The following FRAS1 variants were observed in gnomAD, a reference collection of about 807,000 sequenced individuals.
The protein encoded by FRAS1 is extracellular matrix organizing protein FRAS1.
FRAS1 carries 290 observed loss-of-function variants against 435.2 expected under a neutral mutation model. The ratio of observed to expected loss-of-function variants is 0.67; its 90% confidence interval spans 0.61 to 0.73. The LOEUF is 0.73. Ranked by LOEUF, FRAS1 falls within the 30% of genes least tolerant of loss-of-function variation. The probability of loss-of-function intolerance (pLI) is 0.00; values close to 1 mark genes in which losing one functional copy is unlikely to be tolerated. For synonymous variants in FRAS1, 1,800 were observed against 1,851.0 expected (o/e 0.97, Z 0.71); for missense variants, 4,860 against 5,001.5 (o/e 0.97, Z 0.85).
At position 78,333,252 on chromosome 4, in the gene FRAS1, T is replaced by C; in HGVS notation, c.2138-20T>C. On this transcript the variant is annotated intron_variant, in intron 18 of 73. Transcript: ENST00000512123. ...CGTGGGGCTTTCCTGATTGTCTCCT[T>C]TGCTTTATCTTTCCCCCAGCTTGCC... 1 of 1,595,660 alleles carries C rather than the reference T, an allele frequency of 6.3e-7. No individual in the cohort carries two copies. The highest frequency in any genetic ancestry group is 8.5e-7 in the Non-Finnish European group (1 of 1,171,852).
In FRAS1 at chr4:78,387,482, G is replaced by A. The variant is rs773122571; in HGVS notation, c.3756G>A (p.Val1252=). ...GAGATGATGACAACCCACAGGATGT[G>A]GTCATTGAAATAATCGATCCTCCAC... ...DIRDDDNPQD[V]VIEIIDPPLH... is the part of the protein sequence containing the mutation. Residue 1252 remains valine (V), a synonymous_variant, in exon 29 of 74, where the codon GTG becomes GTA. Coordinates refer to ENST00000512123, the MANE Select transcript of FRAS1 (RefSeq NM_025074.7). 1 of 1,613,436 alleles carries A rather than the reference G, an allele frequency of 6.2e-7. No homozygotes were observed. Among genetic ancestry groups the A allele is most frequent in the South Asian group, 1.1e-5 (1 of 91,020 alleles).
At chr4:78,429,380 G>A (rs1462736354) in intron 36 of FRAS1, among the ~76,000 whole-genome samples, 154 bp downstream of exon 36, 1 of 152,064 alleles carries the variant, frequency 6.6e-6, no homozygotes, top group Non-Finnish European at 1.5e-5. Context: ...CCATTTCTAT[G>A]CAAACAGAAG....
intron 2 of FRAS1, among the ~76,000 whole-genome samples, chr4:78,094,867 C>A (rs1410215072): frequency 6.6e-6 from 1 of 152,098 alleles, no homozygotes; most frequent in Non-Finnish European, 1.5e-5. Flanking sequence ...GCCTTGATTT[C>A]CTCATCTGTA....
rs1464332410 is a variant in FRAS1 at position 78,267,300 on chromosome 4, G to C, written c.849G>C (p.Gly283=). Residue 283 remains glycine, a synonymous_variant, in exon 9 of 74, where the codon GGG becomes GGC. Transcript: ENST00000512123. ...QCCEECVSPA[G]SCSYDGVVRY... Reference sequence around the variant, plus strand: ...GTGAGGAATGTGTGTCTCCTGCCGGGAGCTGCTCCTATGATGGAGTTGTGC... The same window carrying C: ...GTGAGGAATGTGTGTCTCCTGCCGGCAGCTGCTCCTATGATGGAGTTGTGC... 3.1e-6 allele frequency: 5 copies of C among 1,613,876 alleles called. No individual in the cohort carries two copies. Among genetic ancestry groups the C allele is most frequent in the Middle Eastern group, 1.6e-4 (1 of 6,062 alleles).
chr4:78,506,075 A>C (rs1305012098), intron 61 of FRAS1, among the ~76,000 whole-genome samples: 1 of 152,234 alleles, frequency 6.6e-6, no homozygotes, highest in Non-Finnish European at 1.5e-5. Context: ...GTAGAACAGC[A>C]AATATTGCAG....
At chr4:78,449,043 T>G (rs779812640) in intron 44 of FRAS1, among the ~76,000 whole-genome samples, 2 of 152,226 alleles carry the variant, frequency 1.3e-5, no homozygotes, top group Non-Finnish European at 2.9e-5. Context: ...GTCTTAAATA[T>G]CAAGTCTGAG....
At chr4:78,431,733 AT>A (rs1027153820) in intron 37 of FRAS1, among the ~76,000 whole-genome samples, 5 of 152,288 alleles carry the variant, frequency 3.3e-5, no homozygotes, top group East Asian at 1.9e-4. Flanking sequence ...AGTATAAAAA[AT>A]ATCTTAAATT....
chr4:78,389,619 T>G (rs1036853580), intron 29 of FRAS1, among the ~76,000 whole-genome samples: 1 of 152,200 alleles, frequency 6.6e-6, no homozygotes, highest in African/African-American at 2.4e-5. Flanking sequence ...TCTGGACAGA[T>G]GAAGTCTAGA....
At chr4:78,389,992 C>G (rs1203659024) in intron 29 of FRAS1, among the ~76,000 whole-genome samples, 3 of 152,170 alleles carry the variant, frequency 2.0e-5, no homozygotes, top group African/African-American at 7.2e-5. Context: ...TTTCATCCCT[C>G]TCTCCTGTAT....
chr4:78,450,386 A>G (rs1446869815), intron 45 of FRAS1, 47 bp downstream of exon 45: 2 of 1,460,846 alleles, frequency 1.4e-6, no homozygotes, highest in South Asian at 2.3e-5. Context: ...GACTGCACCT[A>G]CACTAGTAAA....
At chr4:78,212,986 G>A (rs987332421) in intron 2 of FRAS1, among the ~76,000 whole-genome samples, 4 of 152,298 alleles carry the variant, frequency 2.6e-5, no homozygotes, top group South Asian at 2.1e-4. Flanking sequence ...CTAGTTGGCC[G>A]TGCATCTAGG....
chr4:78,357,942 G>C (rs1308324353), intron 20 of FRAS1, among the ~76,000 whole-genome samples: 1 of 151,986 alleles, frequency 6.6e-6, no homozygotes, highest in African/African-American at 2.4e-5. Flanking sequence ...TATCTCCTGT[G>C]CCCTGGGTTC....
intron 1 of FRAS1, among the ~76,000 whole-genome samples, chr4:78,064,151 T>A (rs1212243838): frequency 6.6e-6 from 1 of 151,256 alleles, no homozygotes; most frequent in Non-Finnish European, 1.5e-5. Context: ...AAGAAGAATT[T>A]TCCTTCAAGG....
At position 78,197,959 on chromosome 4, in the gene FRAS1, G is replaced by C. The variant is rs531890729; in HGVS notation, c.109-39551G>C. On this transcript the variant is annotated intron_variant, in intron 2 of 73. Transcript: ENST00000512123. ...CCCTCTCAAAAAAAAAAAAAGAGTG[G>C]ACTGAATGCAACACTTTTATAGCAG... Among the ~76,000 whole-genome samples the C allele has an allele frequency of 2.0e-5, 3 of 150,286 alleles. No homozygotes were observed. In the South Asian group the frequency reaches 6.3e-4, roughly 32 times the overall value.
rs1396792984 is a variant in FRAS1, at chr4:78,372,808, G to A, written c.2960G>A (p.Cys987Tyr). The A allele has an allele frequency of 1.2e-6, 2 of 1,613,094 alleles. No homozygotes were observed. The highest frequency in any genetic ancestry group is 1.3e-5 in the African/African-American group (1 of 75,044). The change falls in exon 24 of 74, where the codon TGC (cysteine) becomes TAC (tyrosine). Residue 987 changes from cysteine (C) to tyrosine (Y), a missense_variant. By Grantham distance (194) the Cys-to-Tyr change is radical. Coordinates refer to ENST00000512123, the MANE Select transcript of FRAS1 (RefSeq NM_025074.7). ...GGCTATGTTCTCCAGGATGGGGCCT[G>A]CGTGGAGCAGTGCTTGTCATCATTT... ...MDGYVLQDGA[C>Y]VEQCLSSFYQ...
intron 20 of FRAS1, among the ~76,000 whole-genome samples, chr4:78,359,995 G>A (rs1731015264): frequency 6.6e-6 from 1 of 152,120 alleles, no homozygotes; most frequent in African/African-American, 2.4e-5. Context: ...ATTGATTTCT[G>A]GCATCTGTGT....
At chr4:78,134,052 C>T (rs1299885609) in intron 2 of FRAS1, among the ~76,000 whole-genome samples, 3 of 151,388 alleles carry the variant, frequency 2.0e-5, no homozygotes, top group Non-Finnish European at 2.9e-5. Context: ...CTCCACCTCC[C>T]GGGTCATGCC....
At chr4:78,485,464 C>G (rs956183748) in intron 58 of FRAS1, among the ~76,000 whole-genome samples, 28 of 152,228 alleles carry the variant, frequency 1.8e-4, no homozygotes, top group African/African-American at 6.0e-4. Flanking sequence ...TACAGCTTTT[C>G]TTTTTCTTTC....
At chr4:78,140,684 C>T (rs564696175) in intron 2 of FRAS1, among the ~76,000 whole-genome samples, 12 of 138,232 alleles carry the variant, frequency 8.7e-5, no homozygotes, top group Admixed American at 2.1e-4. Context: ...TATGTATATG[C>T]ATATACATAT....
Sources: gnomAD v4.1 joint callset for allele counts (sites outside exome capture counted in the v4.1 genomes callset) on GRCh38, gnomAD v4.1.1 for gene constraint, MANE v1.5 for transcripts, NCBI Gene and HGNC (gene_info 2026-07-23, HGNC 2026-07-21) for gene names.